The following PCDHGB1 variants were observed in gnomAD, a reference collection of about 807,000 sequenced individuals.
PCDHGB1 encodes the protein protocadherin gamma-B1.
PCDHGB1 carries 34 observed loss-of-function variants against 56.6 expected under a neutral mutation model. The ratio of observed to expected loss-of-function variants is 0.60; its 90% CI spans 0.46 to 0.80. The LOEUF (loss-of-function observed/expected upper bound fraction) is 0.80, where lower values mean the gene tolerates loss of function less well. Ranked by LOEUF, PCDHGB1 falls within the 30% of genes least tolerant of loss-of-function variation. PCDHGB1 has a pLI of 0.00. For synonymous variants in PCDHGB1, 561 were observed against 505.9 expected (o/e 1.11, Z -1.46); for missense variants, 1,278 against 1,204.6 (o/e 1.06, Z -0.90).
At chr5:141,492,601 C>T (rs1374321466) in intron 1 of PCDHGB1, among the ~76,000 whole-genome samples, 2 of 152,220 alleles carry the variant, frequency 1.3e-5, no homozygotes, top group East Asian at 3.9e-4. Context: ...GGAGCGACTG[C>T]CGCTCTAAGT....
intron 1 of PCDHGB1, among the ~76,000 whole-genome samples, chr5:141,434,245 T>G (rs921135977): frequency 3.3e-5 from 5 of 152,224 alleles, no homozygotes; most frequent in African/African-American, 1.2e-4. Context: ...CTAGATGACT[T>G]GGGCATTGTG....
chr5:141,362,374 A>G, intron 1 of PCDHGB1: 1 of 1,614,036 alleles, frequency 6.2e-7, no homozygotes, highest in Non-Finnish European at 8.5e-7. Flanking sequence ...CAGTGAGGGT[A>G]CATTGCCCTA....
At chr5:141,430,902 T>C (rs373775073) in intron 1 of PCDHGB1, 4 of 1,606,232 alleles carry the variant, frequency 2.5e-6, no homozygotes, top group Admixed American at 3.4e-5. Context: ...GTGGGCGACA[T>C]CTCCAGGGAC....
Position 141,414,833 on chromosome 5 carries a change from G to A in PCDHGB1, c.2409+62164G>A, listed in dbSNP as rs768992312. On this transcript the variant is annotated intron_variant, in intron 1 of 3. Coordinates refer to ENST00000523390, the MANE Select transcript of PCDHGB1 (RefSeq NM_018922.3). ...CCACTCAGCAGCAACGTGTCGTTGAGCCTGTTTGTGCTGGACCAGAACGAC... is the reference window on the plus strand; with the variant it reads ...CCACTCAGCAGCAACGTGTCGTTGAACCTGTTTGTGCTGGACCAGAACGAC... 1.9e-6 allele frequency: 3 copies of A among 1,614,098 alleles called. No homozygotes were observed. In the East Asian group the frequency reaches 6.7e-5, roughly 36 times the overall value.
chr5:141,369,379 T>G (rs1268907990), intron 1 of PCDHGB1, among the ~76,000 whole-genome samples: 1 of 152,066 alleles, frequency 6.6e-6, no homozygotes, highest in Non-Finnish European at 1.5e-5. Flanking sequence ...TTGTAAAAGT[T>G]TTTCATTTGG....
chr5:141,359,010 G>A (rs1338190636), intron 1 of PCDHGB1, among the ~76,000 whole-genome samples: 1 of 152,238 alleles, frequency 6.6e-6, no homozygotes, highest in Admixed American at 6.5e-5. Context: ...ACAAATTAGT[G>A]TAATTTGATA....
At chr5:141,413,195 G>T (rs771456948) in intron 1 of PCDHGB1, 1 of 1,610,846 alleles carries the variant, frequency 6.2e-7, no homozygotes, top group South Asian at 1.1e-5. Context: ...CAAAGGAATC[G>T]CTCAAAGGAA....
chr5:141,356,968 A>G (rs373724298), intron 1 of PCDHGB1: 2 of 1,614,130 alleles, frequency 1.2e-6, no homozygotes, highest in African/African-American at 2.7e-5. Flanking sequence ...CCTGGTGACC[A>G]AAGTGGTGGC....
chr5:141,352,625 A>C lies in PCDHGB1; in HGVS notation c.2365A>C (p.Asn789His), dbSNP rs201522550. 21 of 1,612,002 alleles carry C rather than the reference A, an allele frequency of 1.3e-5. No individual in the cohort carries two copies. Among genetic ancestry groups the C allele is most frequent in the Non-Finnish European group, 1.8e-5 (21 of 1,178,938 alleles). ...DDPSMVVCAS[N>H]EDHKIAYDPS... is the part of the protein sequence containing the mutation. ...TCCTTCTATGGTTGTATGTGCCAGT[A>C]ATGAAGATCACAAAATCGCTTATGA... Residue 789 changes from asparagine (N) to histidine (H), a missense_variant, in exon 1 of 4, where the codon AAT becomes CAT. By Grantham distance (68) the Asn-to-His change is moderately conservative. Transcript: ENST00000523390.
chr5:141,420,980 C>T (rs1463868271), intron 1 of PCDHGB1: 1 of 484,260 alleles, frequency 2.1e-6, no homozygotes, highest in Non-Finnish European at 3.6e-6. Flanking sequence ...AGAATGGGCT[C>T]TAGGCGCCGC....
At chr5:141,366,199 G>C (rs1764397175) in intron 1 of PCDHGB1, 1 of 1,613,876 alleles carries the variant, frequency 6.2e-7, no homozygotes, top group Non-Finnish European at 8.5e-7. Flanking sequence ...GGCTGCACAC[G>C]GGCGAGGTGC....
At chr5:141,387,558 C>G (rs1456100013) in intron 1 of PCDHGB1, 1 of 417,976 alleles carries the variant, frequency 2.4e-6, no homozygotes, top group Non-Finnish European at 4.2e-6. Context: ...TTCAGTTAGG[C>G]ACACAATTAT....
intron 1 of PCDHGB1, among the ~76,000 whole-genome samples, chr5:141,387,440 A>T (rs2090946110): frequency 6.6e-6 from 1 of 152,240 alleles, no homozygotes; most frequent in East Asian, 1.9e-4. Context: ...TATGTACTTA[A>T]TCTACATGAT....
intron 1 of PCDHGB1, chr5:141,413,689 C>A: frequency 1.2e-6 from 2 of 1,613,800 alleles, no homozygotes; most frequent in Non-Finnish European, 1.7e-6. Flanking sequence ...GAACTCCCTG[C>A]AGAGCTATCA....
intron 1 of PCDHGB1, among the ~76,000 whole-genome samples, chr5:141,381,529 A>G (rs530526235): frequency 3.3e-5 from 5 of 152,212 alleles, no homozygotes; most frequent in Non-Finnish European, 5.9e-5. Context: ...TTTGAATTGC[A>G]TACTAGGATG....
intron 1 of PCDHGB1, among the ~76,000 whole-genome samples, chr5:141,449,680 T>C (rs2098651613): frequency 6.6e-6 from 1 of 151,546 alleles, no homozygotes; most frequent in Admixed American, 6.6e-5. Flanking sequence ...TATGTATATA[T>C]GTTTGTGTGT....
intron 1 of PCDHGB1, chr5:141,392,432 T>C (rs2092535052): frequency 6.2e-6 from 1 of 160,182 alleles, no homozygotes; most frequent in African/African-American, 2.4e-5. Flanking sequence ...ATTCTTTGGC[T>C]GTTTCTTTTA....
rs1047101891 is a variant in PCDHGB1 at position 141,355,001 on chromosome 5, G to A, written c.2409+2332G>A. On this transcript the variant is annotated intron_variant, in intron 1 of 3. Coordinates refer to ENST00000523390, the MANE Select transcript of PCDHGB1 (RefSeq NM_018922.3). ...CGCTGTTCACCAATCAGGGGGAAAA[G>A]ACAAACCAGAAATTTAATCAGAATC... 2.8e-5 allele frequency: 21 copies of A among 754,922 alleles called. No homozygotes were observed. The African/African-American group carries it at 3.4e-4, about 12-fold the overall frequency. 46.8% of individuals were successfully genotyped at this position (754,922 alleles called of 1,614,324 possible). A position where few individuals can be genotyped will look rare whatever the true frequency, so the allele number is the denominator to read the frequency against.
At chr5:141,414,015 A>C in intron 1 of PCDHGB1, 1 of 1,613,160 alleles carries the variant, frequency 6.2e-7, no homozygotes, top group South Asian at 1.1e-5. Context: ...CCAATGGAGA[A>C]GTGACATATT....
Sources: allele counts gnomAD v4.1 joint callset (sites outside exome capture counted in the v4.1 genomes callset), GRCh38; gene constraint gnomAD v4.1.1; transcripts MANE v1.5; gene names NCBI Gene and HGNC (gene_info 2026-07-23, HGNC 2026-07-21).